The following LCA5 variants were observed in gnomAD, a reference collection of about 807,000 sequenced individuals.
LCA5 encodes the protein lebercilin.
Under a neutral mutation model 53.0 loss-of-function variants are expected in LCA5, and 37 were observed. The observed-to-expected ratio is 0.70, with a 90% confidence interval of 0.54 to 0.92. LCA5 has a LOEUF of 0.92. Among genes scored for constraint, LCA5 ranks in the 40% least tolerant of loss-of-function variants. The pLI is 0.00. For synonymous variants in LCA5, 303 were observed against 282.9 expected (o/e 1.07, Z -0.71); for missense variants, 806 against 790.5 (o/e 1.02, Z -0.23).
intron 1 of LCA5, among the ~76,000 whole-genome samples, chr6:79,521,606 A>G: frequency 6.6e-6 from 1 of 152,218 alleles, no homozygotes; most frequent in Admixed American, 6.5e-5. Flanking sequence ...TTGACATTCA[A>G]AATTTGAATT....
At chr6:79,507,707 C>CT (rs1286345538) in intron 3 of LCA5, among the ~76,000 whole-genome samples, 1 of 152,152 alleles carries the variant, frequency 6.6e-6, no homozygotes, top group African/African-American at 2.4e-5. Context: ...ATCTGAGTCC[C>CT]TGGCCTGTCC....
At chr6:79,532,628 G>T (rs1167343668) in intron 1 of LCA5, among the ~76,000 whole-genome samples, 3 of 152,088 alleles carry the variant, frequency 2.0e-5, no homozygotes, top group Non-Finnish European at 4.4e-5. Context: ...CACAAAAGTG[G>T]TTCCTTCTCT....
chr6:79,531,885 T>A (rs1388848378), intron 1 of LCA5, among the ~76,000 whole-genome samples: 1 of 151,938 alleles, frequency 6.6e-6, no homozygotes, highest in Admixed American at 6.6e-5. Flanking sequence ...GGGCAGCACA[T>A]GTTATCTACA....
chr6:79,515,616 T>C (rs922097305), intron 2 of LCA5, among the ~76,000 whole-genome samples: 21 of 152,052 alleles, frequency 1.4e-4, no homozygotes, highest in African/African-American at 5.1e-4. Context: ...GCATTTTTTT[T>C]CCAAGGAGAA....
intron 7 of LCA5, chr6:79,488,176 G>A (rs1769727045): frequency 3.6e-6 from 1 of 278,990 alleles, no homozygotes; most frequent in East Asian, 8.5e-5. Context: ...TGGATGGATA[G>A]ATGGAGCAAA....
chr6:79,523,314 T>C (rs1766681280), intron 1 of LCA5, among the ~76,000 whole-genome samples: 1 of 152,018 alleles, frequency 6.6e-6, no homozygotes, highest in African/African-American at 2.4e-5. Flanking sequence ...GAAAAAATAT[T>C]TACACATGAA....
chr6:79,513,139 T>A (rs1293551251), intron 3 of LCA5, 73 bp downstream of exon 3: 1 of 1,423,614 alleles, frequency 7.0e-7, no homozygotes, highest in Non-Finnish European at 9.9e-7. Flanking sequence ...AATAAGCAAT[T>A]TTAAGAGAGC....
rs549005487 is a variant in LCA5 at position 79,500,019 on chromosome 6, C to T, written c.721-6269G>A. On this transcript the variant is annotated intron_variant, in intron 3 of 7. Transcript: ENST00000369846. Reference sequence around the variant, plus strand: ...ATTTCATCCATGTCCCTACAAAGGACATGAACTCATCATTTTTTATGGCTG... The same window carrying T: ...ATTTCATCCATGTCCCTACAAAGGATATGAACTCATCATTTTTTATGGCTG... Among the ~76,000 whole-genome samples, 1,165 of 151,684 alleles carry T rather than the reference C, an allele frequency of 7.7e-3. 13 individuals carry two copies. The highest frequency in any genetic ancestry group is 0.017 in the Middle Eastern group (5 of 294).
intron 3 of LCA5, among the ~76,000 whole-genome samples, chr6:79,499,466 T>C (rs559928651): frequency 1.3e-5 from 2 of 152,138 alleles, no homozygotes; most frequent in East Asian, 1.9e-4. Flanking sequence ...TGTCAGCTTA[T>C]TTTAGCAAAA....
chr6:79,519,094 A>C lies in LCA5; in HGVS notation c.-191-9T>G. On this transcript the variant is annotated splice_polypyrimidine_tract_variant and intron_variant, in intron 1 of 7. Coordinates refer to ENST00000369846, the MANE Select transcript of LCA5 (RefSeq NM_001122769.3). ...AGATAAACTTTTTTGCCCTGAAATT[A>C]AGGAAGGGGAAAGGAGACTTATCAT... 1.6e-6 allele frequency: 1 copy of C among 628,270 alleles called. No homozygotes were observed. Among genetic ancestry groups the C allele is most frequent in the Non-Finnish European group, 2.8e-6 (1 of 356,616 alleles). 38.9% of individuals were successfully genotyped at this position (628,270 alleles called of 1,614,324 possible).
rs980688587 is a variant in LCA5 at position 79,491,528 on chromosome 6, T to C, written c.1098+60A>G. Reference sequence around the variant, plus strand: ...TACTGAAATTTTAAAATGTCTGATATTGTGTTTTTAGGAATAACTTCAGAC... The same window carrying C: ...TACTGAAATTTTAAAATGTCTGATACTGTGTTTTTAGGAATAACTTCAGAC... On this transcript the variant is annotated intron_variant, in intron 6 of 7. Coordinates refer to ENST00000369846, the MANE Select transcript of LCA5 (RefSeq NM_001122769.3). The C allele has an allele frequency of 3.2e-6, 5 of 1,558,054 alleles. No homozygotes were observed. The Admixed American group carries it at 6.7e-5, about 21-fold the overall frequency.
rs376600168 is a variant in LCA5 at position 79,528,222 on chromosome 6, G to A, written c.-192+8943C>T. 7.2e-5 allele frequency among the ~76,000 whole-genome samples: 11 copies of A among 152,204 alleles called. No individual in the cohort carries two copies. In the East Asian group the frequency reaches 1.7e-3, roughly 24 times the overall value. ...CTGTCATTGTTCTTTCCTGCATTGC[G>A]GAGGTCAAATCCCAGAGCAATTCCC... On this transcript the variant is annotated intron_variant, in intron 1 of 7. Transcript: ENST00000369846.
chr6:79,506,280 C>A (rs1768524177), intron 3 of LCA5, among the ~76,000 whole-genome samples: 1 of 152,136 alleles, frequency 6.6e-6, no homozygotes, highest in African/African-American at 2.4e-5. Context: ...TTTATATGTA[C>A]TAAATGTGTA....
At chr6:79,534,478 T>C (rs1388374073) in intron 1 of LCA5, among the ~76,000 whole-genome samples, 4 of 152,080 alleles carry the variant, frequency 2.6e-5, no homozygotes, top group Admixed American at 1.3e-4. Flanking sequence ...CGCTAGATTA[T>C]AGATGGAGCT....
At chr6:79,493,058 T>G (rs537042645) in intron 4 of LCA5, among the ~76,000 whole-genome samples, 1 of 152,142 alleles carries the variant, frequency 6.6e-6, no homozygotes, top group Non-Finnish European at 1.5e-5. Flanking sequence ...TGGCTTTTTC[T>G]GAGAATTTGA....
At chr6:79,497,313 T>C (rs9443676) in intron 3 of LCA5, among the ~76,000 whole-genome samples, 2,073 of 152,256 alleles carry the variant, frequency 0.014, 51 homozygotes, top group African/African-American at 0.048. Flanking sequence ...AATGTATAAA[T>C]GTTAGACAAG....
At chr6:79,513,793 T>C (rs759169276) in intron 2 of LCA5, 52 bp from the exon 3 acceptor site, 36 of 1,559,962 alleles carry the variant, frequency 2.3e-5, no homozygotes, top group East Asian at 2.2e-4. Context: ...AAACACAGTG[T>C]TATTTGTTCA....
At chr6:79,489,408 T>C (rs1158273389) in intron 6 of LCA5, among the ~76,000 whole-genome samples, 192 bp from the exon 7 acceptor site, 2 of 152,108 alleles carry the variant, frequency 1.3e-5, no homozygotes, top group African/African-American at 4.8e-5. Context: ...ATTATTTCCG[T>C]TAAAATTGTA....
intron 2 of LCA5, among the ~76,000 whole-genome samples, chr6:79,515,887 G>C (rs574969119): frequency 3.3e-5 from 5 of 152,146 alleles, no homozygotes; most frequent in Non-Finnish European, 7.4e-5. Context: ...AAATGAGGGA[G>C]TGCTTAATTA....
Sources: allele counts gnomAD v4.1 joint callset (sites outside exome capture counted in the v4.1 genomes callset), GRCh38; gene constraint gnomAD v4.1.1; transcripts MANE v1.5; gene names NCBI Gene and HGNC (gene_info 2026-07-23, HGNC 2026-07-21).